The following EAPP variants were observed in gnomAD, a reference collection of about 807,000 sequenced individuals.
EAPP encodes E2F-associated phosphoprotein.
EAPP carries 38 observed loss-of-function variants against 34.3 expected under a neutral mutation model. The ratio of observed to expected loss-of-function variants is 1.11; its 90% CI spans 0.85 to 1.45. The LOEUF (loss-of-function observed/expected upper bound fraction) is 1.45, where lower values mean the gene tolerates loss of function less well. Among genes scored for constraint, EAPP ranks in the 40% most tolerant of loss-of-function variants. The probability of loss-of-function intolerance (pLI) is 0.00; values close to 1 mark genes in which losing one functional copy is unlikely to be tolerated. For missense variants in EAPP, 338 were observed against 343.7 expected, an observed-to-expected ratio of 0.98 and a Z score of 0.13; for synonymous variants, 113 against 117.6, an observed-to-expected ratio of 0.96 and a Z score of 0.25.
intron 5 of EAPP, among the ~76,000 whole-genome samples, chr14:34,524,339 A>C (rs1254633967): frequency 2.6e-5 from 4 of 152,172 alleles, no homozygotes; most frequent in Admixed American, 1.3e-4. Context: ...CAGCGAGCCA[A>C]GATTGCACCA....
At chr14:34,524,576 A>C (rs942256225) in intron 5 of EAPP, 121 bp downstream of exon 5, 2 of 717,200 alleles carry the variant, frequency 2.8e-6, no homozygotes, top group African/African-American at 3.6e-5. Context: ...AGATTGTGCC[A>C]CTGCACTCCA....
intron 2 of EAPP, among the ~76,000 whole-genome samples, chr14:34,534,309 T>G (rs1205022341): frequency 6.6e-6 from 1 of 152,090 alleles, no homozygotes; most frequent in East Asian, 1.9e-4. Flanking sequence ...ATTTTTTGTG[T>G]TTTTAGTAGA....
At chr14:34,528,414 C>CTTT (rs1880164379) in intron 4 of EAPP, among the ~76,000 whole-genome samples, 76 of 54,128 alleles carry the variant, frequency 1.4e-3, no homozygotes, top group Non-Finnish European at 2.0e-3. Flanking sequence ...TCCACAAAAC[C>CTTT]CTTTTTTTTT....
chr14:34,524,420 C>G (rs1880024285), intron 5 of EAPP, among the ~76,000 whole-genome samples: 1 of 151,772 alleles, frequency 6.6e-6, no homozygotes, highest in African/African-American at 2.4e-5. Context: ...ATCTATCTAT[C>G]TATCTATCTA....
intron 5 of EAPP, among the ~76,000 whole-genome samples, chr14:34,522,432 C>G (rs1408631208): frequency 6.6e-6 from 1 of 151,998 alleles, no homozygotes; most frequent in East Asian, 1.9e-4. Flanking sequence ...CACTTGATTC[C>G]TTGTTTTGTC....
chr14:34,539,378 T>C (rs938167087), intron 1 of EAPP, 177 bp downstream of exon 1: 5 of 723,534 alleles, frequency 6.9e-6, no homozygotes, highest in African/African-American at 1.7e-5. Context: ...CGGCACCGCC[T>C]CCCCCCGGGA....
Position 34,516,281 on chromosome 14 carries a change from A to G in EAPP, c.*29T>C. ...TGTCCATATTTGCCTTATATACAGT[A>G]TTGGGTAATTAAATGCCAGTTGGGC... On this transcript the variant is annotated 3_prime_UTR_variant, in exon 6 of 6. Coordinates refer to ENST00000250454, the MANE Select transcript of EAPP (RefSeq NM_018453.4). 6.3e-7 allele frequency: 1 copy of G among 1,587,598 alleles called. No homozygotes were observed. The highest frequency in any genetic ancestry group is 8.6e-7 in the Non-Finnish European group (1 of 1,166,762).
intron 5 of EAPP, among the ~76,000 whole-genome samples, chr14:34,522,875 C>T (rs1879965076): frequency 1.3e-5 from 2 of 152,138 alleles, no homozygotes; most frequent in South Asian, 4.1e-4. Flanking sequence ...ACTCTCAGTG[C>T]TTCCTATGAG....
At chr14:34,518,688 T>G (rs1207726643) in intron 5 of EAPP, among the ~76,000 whole-genome samples, 3 of 152,166 alleles carry the variant, frequency 2.0e-5, no homozygotes, top group Admixed American at 2.0e-4. Context: ...TGCATAGATA[T>G]TTATACTGTT....
intron 3 of EAPP, among the ~76,000 whole-genome samples, chr14:34,530,904 C>CAAA (rs780101001): frequency 8.8e-3 from 481 of 54,806 alleles, no homozygotes; most frequent in Middle Eastern, 0.016. Flanking sequence ...CAATCTTTAC[C>CAAA]AAAAAAAAAA....
chr14:34,533,577 T>C (rs778554308), intron 2 of EAPP, 38 bp from the exon 3 acceptor site: 11 of 1,402,442 alleles, frequency 7.8e-6, no homozygotes, highest in African/African-American at 1.5e-5. Context: ...GACTAAATCA[T>C]ACATAATTCA....
chr14:34,539,524 C>T (rs1245424433), intron 1 of EAPP, 31 bp downstream of exon 1: 2 of 1,602,646 alleles, frequency 1.2e-6, no homozygotes, highest in East Asian at 4.5e-5. Flanking sequence ...CGACCCAAAT[C>T]CTCGGGGGCC....
At chr14:34,537,194 A>G (rs1355487703) in intron 1 of EAPP, among the ~76,000 whole-genome samples, 1 of 152,016 alleles carries the variant, frequency 6.6e-6, no homozygotes, top group Non-Finnish European at 1.5e-5. Flanking sequence ...TATTTTCAGT[A>G]AAGACATGAT....
At chr14:34,520,059 A>G (rs1022018412) in intron 5 of EAPP, among the ~76,000 whole-genome samples, 8 of 150,998 alleles carry the variant, frequency 5.3e-5, no homozygotes, top group Non-Finnish European at 1.0e-4. Flanking sequence ...CTAATTTTTT[A>G]TATTTTTAGT....
intron 5 of EAPP, among the ~76,000 whole-genome samples, chr14:34,518,612 T>A (rs923225109): frequency 3.3e-5 from 5 of 152,172 alleles, no homozygotes; most frequent in African/African-American, 1.2e-4. Context: ...ATTACAGGCG[T>A]GAGCCACTGC....
chr14:34,516,406 A>G lies in EAPP; in HGVS notation c.762T>C (p.Tyr254=). 6.2e-7 allele frequency: 1 copy of G among 1,614,216 alleles called. No homozygotes were observed. Among genetic ancestry groups the G allele is most frequent in the South Asian group, 1.1e-5 (1 of 91,086 alleles). Reference sequence around the variant, plus strand: ...AACATTCAGTGCACATGACTGGGTGATAGATTTCTTCCACATCTGTCTCTG... The same window carrying G: ...AACATTCAGTGCACATGACTGGGTGGTAGATTTCTTCCACATCTGTCTCTG... ...EKAETDVEEI[Y]HPVMCTECST... Residue 254 remains tyrosine, a synonymous_variant, in exon 6 of 6, where the codon TAT becomes TAC. Coordinates refer to ENST00000250454, the MANE Select transcript of EAPP (RefSeq NM_018453.4).
In EAPP at chr14:34,533,956, T is replaced by C. The variant is rs549123862; in HGVS notation, c.257-417A>G. Among the ~76,000 whole-genome samples the C allele has an allele frequency of 2.0e-5, 3 of 152,270 alleles. No individual in the cohort carries two copies. The South Asian group carries it at 6.2e-4, about 32-fold the overall frequency. ...GGAATGAGTCAAGGACACATTCTTC[T>C]CCTCAGTTGTGCCCAGGACCATGAC... On this transcript the variant is annotated intron_variant, in intron 2 of 5. Transcript: ENST00000250454.
At chr14:34,521,246 T>A (rs138706485) in intron 5 of EAPP, among the ~76,000 whole-genome samples, 1 of 151,548 alleles carries the variant, frequency 6.6e-6, no homozygotes, top group Non-Finnish European at 1.5e-5. Context: ...TTTGATTACA[T>A]TTTTAGTAGA....
chr14:34,517,926 C>T (rs1413862971), intron 5 of EAPP, among the ~76,000 whole-genome samples: 1 of 151,870 alleles, frequency 6.6e-6, no homozygotes, highest in Non-Finnish European at 1.5e-5. Flanking sequence ...AGGTGTACGC[C>T]ACCACACTTG....
Sources: allele counts gnomAD v4.1 joint callset (sites outside exome capture counted in the v4.1 genomes callset), GRCh38; gene constraint gnomAD v4.1.1; transcripts MANE v1.5; gene names NCBI Gene and HGNC (gene_info 2026-07-23, HGNC 2026-07-21).